Variants in GOLGA5 observed in about 807,000 individuals in gnomAD.
The protein encoded by GOLGA5 is golgin subfamily A member 5.
A neutral mutation model predicts 93.5 loss-of-function variants in GOLGA5; 50 were observed. The ratio of observed to expected loss-of-function variants is 0.53; its 90% CI spans 0.43 to 0.68. The LOEUF (loss-of-function observed/expected upper bound fraction) is 0.68, where lower values mean the gene tolerates loss of function less well. Among genes scored for constraint, GOLGA5 ranks in the 30% least tolerant of loss-of-function variants. The pLI is 0.00. For synonymous variants in GOLGA5, 312 were observed against 304.5 expected, an observed-to-expected ratio of 1.02 and a Z score of -0.26; for missense variants, 760 against 856.4, an observed-to-expected ratio of 0.89 and a Z score of 1.40.
At chr14:92,803,093 T>A (rs953654289) in intron 2 of GOLGA5, among the ~76,000 whole-genome samples, 2 of 152,150 alleles carry the variant, frequency 1.3e-5, no homozygotes, top group Non-Finnish European at 2.9e-5. Context: ...TGGAGTGCAG[T>A]GGTGGGATCT....
At chr14:92,820,183 A>T (rs1351889905) in intron 8 of GOLGA5, among the ~76,000 whole-genome samples, 1 of 152,230 alleles carries the variant, frequency 6.6e-6, no homozygotes, top group Non-Finnish European at 1.5e-5. Context: ...TCATTATCTC[A>T]GCAAGAGGAA....
chr14:92,807,486 G>A (rs1031140699), intron 3 of GOLGA5, among the ~76,000 whole-genome samples: 1 of 152,132 alleles, frequency 6.6e-6, no homozygotes, highest in Non-Finnish European at 1.5e-5. Flanking sequence ...AAGAGTATTC[G>A]CTTCTTTGGT....
chr14:92,818,498 C>A (rs1885253020), intron 7 of GOLGA5, among the ~76,000 whole-genome samples: 1 of 152,160 alleles, frequency 6.6e-6, no homozygotes, highest in African/African-American at 2.4e-5. Flanking sequence ...ATACTGCCTG[C>A]CTCTCAAGAA....
chr14:92,816,662 A>T (rs565563419), intron 7 of GOLGA5, among the ~76,000 whole-genome samples: 1 of 152,170 alleles, frequency 6.6e-6, no homozygotes, highest in African/African-American at 2.4e-5. Context: ...CCTGGGCTCA[A>T]GCAGTCTTCC....
At chr14:92,812,958 C>T (rs1023282764) in intron 6 of GOLGA5, among the ~76,000 whole-genome samples, 31 of 152,186 alleles carry the variant, frequency 2.0e-4, no homozygotes, top group African/African-American at 7.2e-4. Context: ...ACCTCAGTGC[C>T]CAGCTGCCTA....
At chr14:92,834,385 G>T (rs1490665414) in intron 10 of GOLGA5, among the ~76,000 whole-genome samples, 1 of 151,192 alleles carries the variant, frequency 6.6e-6, no homozygotes, top group East Asian at 1.9e-4. Context: ...TCCCCAGAGT[G>T]TGATGTTCCC....
chr14:92,804,034 G>A (rs774903973), intron 2 of GOLGA5, among the ~76,000 whole-genome samples: 1 of 151,940 alleles, frequency 6.6e-6, no homozygotes, highest in Non-Finnish European at 1.5e-5. Flanking sequence ...GTTAATTTTT[G>A]CTTTCTTTGG....
At chr14:92,812,573 CCTT>C (rs1337648205) in intron 6 of GOLGA5, among the ~76,000 whole-genome samples, 1 of 152,128 alleles carries the variant, frequency 6.6e-6, no homozygotes, top group African/African-American at 2.4e-5. Flanking sequence ...ACTCTTATCT[CCTT>C]CTTTTCCTAC....
At chr14:92,817,495 A>G (rs2140325039) in intron 7 of GOLGA5, among the ~76,000 whole-genome samples, 1 of 152,270 alleles carries the variant, frequency 6.6e-6, no homozygotes, top group Non-Finnish European at 1.5e-5. Context: ...TATTCTTATA[A>G]TTTATAGTTT....
intron 3 of GOLGA5, 61 bp from the exon 4 acceptor site, chr14:92,809,239 C>A: frequency 1.8e-6 from 2 of 1,125,224 alleles, no homozygotes; most frequent in Non-Finnish European, 2.7e-6. Flanking sequence ...AGAAACTGTA[C>A]GTGCTCTGAG....
intron 7 of GOLGA5, among the ~76,000 whole-genome samples, chr14:92,818,011 AT>A (rs898274720): frequency 2.9e-4 from 43 of 150,136 alleles, no homozygotes; most frequent in African/African-American, 8.1e-4. Context: ...TTAAAGTAGG[AT>A]TTTTTTTTTA....
intron 2 of GOLGA5, among the ~76,000 whole-genome samples, chr14:92,803,994 A>T (rs1444362866): frequency 6.6e-6 from 1 of 152,058 alleles, no homozygotes; most frequent in East Asian, 1.9e-4. Context: ...GGTTATGCTG[A>T]TCCTCTCTAG....
At chr14:92,801,131 C>T (rs1324629583) in intron 2 of GOLGA5, among the ~76,000 whole-genome samples, 1 of 152,184 alleles carries the variant, frequency 6.6e-6, no homozygotes, top group Non-Finnish European at 1.5e-5. Flanking sequence ...GCAAAATCAT[C>T]CCAGTTGAGA....
rs1247653030 is a variant in GOLGA5, at chr14:92,833,781, G to A, written c.1945+434G>A. Among the ~76,000 whole-genome samples the A allele has an allele frequency of 2.0e-5, 3 of 152,158 alleles. No homozygotes were observed. The East Asian group carries it at 5.8e-4, about 29-fold the overall frequency. ...AACATATGTAATTAAAAAATAATGT[G>A]TAAGATAGTATAAGCATCAACAGAT... is the stretch of plus-strand genomic sequence containing the variant. On this transcript the variant is annotated intron_variant, in intron 10 of 12. Coordinates refer to ENST00000163416, the MANE Select transcript of GOLGA5 (RefSeq NM_005113.4).
intron 8 of GOLGA5, 102 bp downstream of exon 8, chr14:92,819,938 T>G (rs1378899903): frequency 8.9e-7 from 1 of 1,124,988 alleles, no homozygotes; most frequent in East Asian, 2.6e-5. Context: ...GAGTATGGGC[T>G]TAGGGTTACC....
chr14:92,822,650 T>G (rs989203603), intron 8 of GOLGA5, among the ~76,000 whole-genome samples: 5 of 152,208 alleles, frequency 3.3e-5, no homozygotes, highest in Non-Finnish European at 7.3e-5. Context: ...TATTTTGTTT[T>G]GTTGCCATGC....
chr14:92,806,876 C>G lies in GOLGA5; in HGVS notation c.685C>G (p.Leu229Val). ...ATCACATGAACTGTCTAACCTTCGA[C>G]TGGAGAATCAGCTGCTGAGGAATGA... is the stretch of plus-strand genomic sequence containing the variant. ...GKSHELSNLR[L>V]ENQLLRNEVQ... Residue 229 changes from leucine to valine, a missense_variant, in exon 3 of 13, where the codon CTG becomes GTG. By Grantham distance (32) the Leu-to-Val change is conservative. Coordinates refer to ENST00000163416, the MANE Select transcript of GOLGA5 (RefSeq NM_005113.4). 6.2e-7 allele frequency: 1 copy of G among 1,613,812 alleles called. No individual in the cohort carries two copies. Among genetic ancestry groups the G allele is most frequent in the Non-Finnish European group, 8.5e-7 (1 of 1,179,720 alleles).
intron 8 of GOLGA5, among the ~76,000 whole-genome samples, chr14:92,822,412 C>T (rs1885334356): frequency 6.6e-6 from 1 of 152,172 alleles, no homozygotes; most frequent in Non-Finnish European, 1.5e-5. Flanking sequence ...CTCTGTTCTA[C>T]GTTGTATTTC....
intron 2 of GOLGA5, among the ~76,000 whole-genome samples, chr14:92,804,052 C>G (rs1884930440): frequency 6.6e-6 from 1 of 151,988 alleles, no homozygotes; most frequent in South Asian, 2.1e-4. Context: ...TGGGTTTGTT[C>G]TGCTGTTTTT....
Sources: gnomAD v4.1 joint callset for allele counts (sites outside exome capture counted in the v4.1 genomes callset) on GRCh38, gnomAD v4.1.1 for gene constraint, MANE v1.5 for transcripts, NCBI Gene and HGNC (gene_info 2026-07-23, HGNC 2026-07-21) for gene names.